POLR1C: variants seen among roughly 807,000 people sequenced by gnomAD.
POLR1C encodes the protein RNA polymerase I and III subunit C.
POLR1C carries 42 observed loss-of-function variants against 38.3 expected under a neutral mutation model. The observed-to-expected ratio is 1.10, with a 90% CI of 0.86 to 1.42. The LOEUF is 1.42. Among genes scored for constraint, POLR1C ranks in the 40% most tolerant of loss-of-function variants. The pLI, the probability that POLR1C is intolerant of heterozygous loss-of-function variation, is 0.00. For missense variants in POLR1C, 507 were observed against 450.5 expected (o/e 1.13, Z -1.14); for synonymous variants, 163 against 163.9 (o/e 0.99, Z 0.04).
intron 8 of POLR1C, chr6:43,527,722 ATCT>A (rs747225372): frequency 3.1e-6 from 5 of 1,613,956 alleles, no homozygotes; most frequent in East Asian, 4.5e-5. Context: ...CTGCAGCCTC[ATCT>A]TCTCCACTGC....
At chr6:43,555,731 A>G (rs891503266) in intron 10 of POLR1C, 25 of 1,418,696 alleles carry the variant, frequency 1.8e-5, no homozygotes, top group East Asian at 1.2e-4. Flanking sequence ...TTTGAATAGT[A>G]TAAGTATATC....
chr6:43,562,406 C>A, exon 11 of POLR1C: 1 of 1,208,616 alleles, frequency 8.3e-7, no homozygotes, highest in Non-Finnish European at 1.2e-6. Context: ...ATAAAAACAT[C>A]ACTTTGTGTC....
chr6:43,538,082 CAA>C (rs1217531011), intron 9 of POLR1C, among the ~76,000 whole-genome samples: 285 of 36,130 alleles, frequency 7.9e-3, no homozygotes, highest in African/African-American at 0.021. Flanking sequence ...AAGATGGTCT[CAA>C]AAAAAAAAAA....
At position 43,529,351 on chromosome 6, in the gene POLR1C, G is replaced by T. The variant is rs546413926; in HGVS notation, c.1025G>T (p.Gly342Val). ...GGGTCAAGAGAGCGAGACCATCCTG[G>T]CTAACATGGTGAAACCCCGTCTCTA... The change falls in exon 9 of 9, where the codon GGC (glycine) becomes GTC (valine). Residue 342 changes from glycine to valine, a missense_variant. Gly to Val is a moderately radical substitution (Grantham distance 109). Transcript: ENST00000304004. The T allele has an allele frequency of 2.0e-3, 902 of 452,530 alleles. 7 individuals carry two copies. The highest frequency in any genetic ancestry group is 0.019 in the African/African-American group (771 of 41,294). 28.0% of individuals were successfully genotyped at this position (452,530 alleles called of 1,614,324 possible).
intron 10 of POLR1C, among the ~76,000 whole-genome samples, chr6:43,552,240 T>C (rs933061114): frequency 1.3e-5 from 2 of 152,148 alleles, no homozygotes; most frequent in African/African-American, 4.8e-5. Flanking sequence ...GTATTTTTAG[T>C]AGAGACAGGG....
chr6:43,543,203 C>T (rs1248295545), intron 9 of POLR1C, among the ~76,000 whole-genome samples: 3 of 152,188 alleles, frequency 2.0e-5, no homozygotes, highest in Non-Finnish European at 2.9e-5. Flanking sequence ...AGGTGGCTCA[C>T]ATCTGTTATC....
intron 7 of POLR1C, 67 bp from the exon 8 acceptor site, chr6:43,520,865 T>C: frequency 6.3e-7 from 1 of 1,599,312 alleles, no homozygotes; most frequent in Non-Finnish European, 8.6e-7. Flanking sequence ...CCTAAAAGTA[T>C]AACCTGGTTT....
At chr6:43,525,789 A>T (rs967279772), downstream of POLR1C, 2 of 1,579,700 alleles carry the variant, frequency 1.3e-6, no homozygotes, top group East Asian at 4.5e-5. Flanking sequence ...GTAAAAGGTG[A>T]CTCCCCACCT....
At chr6:43,519,906 G>GT (rs1561857310) in intron 4 of POLR1C, 68 bp downstream of exon 4, 1 of 1,565,560 alleles carries the variant, frequency 6.4e-7, no homozygotes. Context: ...GTGATGTTGG[G>GT]TAAGTTACTT....
At position 43,520,731 on chromosome 6, in the gene POLR1C, C is replaced by T. The variant is rs147793518; in HGVS notation, c.762C>T (p.Ser254=). 6.7e-5 allele frequency: 108 copies of T among 1,614,140 alleles called. No homozygotes were observed. In the African/African-American group the frequency reaches 1.4e-3, roughly 21 times the overall value. ...AAGGGGAGGCAGCTGAGGAGTTGAG[C>T]AGGTGCTTCTCACCTGGTGTTATTG... ...PVEGEAAEEL[S]RCFSPGVIEV... is the part of the protein sequence containing the mutation. The change falls in exon 7 of 9, where the codon AGC becomes AGT. Residue 254 remains serine, a synonymous_variant. Coordinates refer to ENST00000642195, the MANE Select transcript of POLR1C (RefSeq NM_203290.4).
At chr6:43,534,381 AGAG>A (rs947362077), downstream of POLR1C, among the ~76,000 whole-genome samples, 1 of 152,218 alleles carries the variant, frequency 6.6e-6, no homozygotes, top group African/African-American at 2.4e-5. Context: ...GTAGGAACAC[AGAG>A]GAGGTGGTAA....
At chr6:43,538,139 CTTTTTTTTTTTTT>C (rs1160662301) in intron 9 of POLR1C, among the ~76,000 whole-genome samples, 73 of 48,946 alleles carry the variant, frequency 1.5e-3, no homozygotes, top group East Asian at 9.5e-3. Context: ...TAAGAGACAT[CTTTTTTTTTTTTT>C]TTTTTTTTTT....
chr6:43,531,376 G>A, downstream of POLR1C: 6 of 1,024,724 alleles, frequency 5.9e-6, no homozygotes, highest in South Asian at 4.1e-5. Context: ...TCAAACTCTT[G>A]CCTCGCCTTA....
At chr6:43,553,569 C>T (rs763215458) in intron 10 of POLR1C, 15 of 1,509,514 alleles carry the variant, frequency 9.9e-6, no homozygotes, top group African/African-American at 9.8e-5. Flanking sequence ...ATTGAAAGAT[C>T]GCAGAAGACA....
chr6:43,517,393 G>A lies in POLR1C; in HGVS notation c.141+16G>A. ...CTTCGAGAAGGTAAGTGGGGCCGGA[G>A]TTGTCTGGGGAGGGTTATGAAGGCC... On this transcript the variant is annotated intron_variant, in intron 2 of 8. Transcript: ENST00000642195. 1.2e-6 allele frequency: 2 copies of A among 1,612,148 alleles called. No individual in the cohort carries two copies. Among genetic ancestry groups the A allele is most frequent in the Non-Finnish European group, 1.7e-6 (2 of 1,178,264 alleles).
chr6:43,528,691 C>G, intron 8 of POLR1C: 1 of 779,366 alleles, frequency 1.3e-6, no homozygotes. Flanking sequence ...GGATAGTCAG[C>G]TGGGGTAGAA....
intron 10 of POLR1C, chr6:43,560,808 C>T: frequency 1.2e-6 from 1 of 866,790 alleles, no homozygotes. Context: ...TACGGTCATT[C>T]CCCAAGGCCT....
downstream of POLR1C, among the ~76,000 whole-genome samples, chr6:43,530,013 G>C (rs113664979): frequency 0.033 from 4,975 of 151,850 alleles, 266 homozygotes; most frequent in African/African-American, 0.11. Flanking sequence ...CCAGCACTTT[G>C]GGAGGCTGAG....
Position 43,520,992 on chromosome 6 carries a change from G to A in POLR1C, c.866G>A (p.Arg289Gln), listed in dbSNP as rs776119212. Residue 289 changes from arginine to glutamine, a missense_variant, in exon 8 of 9, where the codon CGG becomes CAG. Physicochemically the swap from Arg to Gln is conservative, Grantham distance 43 (BLOSUM62 1). Coordinates refer to ENST00000642195, the MANE Select transcript of POLR1C (RefSeq NM_203290.4). ...GATACCTTCAGCAGAGAAATCTTCC[G>A]GAATGAGAAGCTAAAGAAGGTTGTG... ...RLDTFSREIF[R>Q]NEKLKKVVRL... 48 of 1,614,016 alleles carry A rather than the reference G, an allele frequency of 3.0e-5. No homozygotes were observed. The highest frequency in any genetic ancestry group is 1.6e-4 in the Middle Eastern group (1 of 6,084).
Sources: gnomAD v4.1 joint callset for allele counts (sites outside exome capture counted in the v4.1 genomes callset) on GRCh38, gnomAD v4.1.1 for gene constraint, MANE v1.5 for transcripts, NCBI Gene and HGNC (gene_info 2026-07-23, HGNC 2026-07-21) for gene names.